The following KHDRBS2 variants were observed in gnomAD, a reference collection of about 807,000 sequenced individuals.
KHDRBS2 encodes the protein KH RNA binding domain containing, signal transduction associated 2, also known as KH domain-containing, RNA-binding, signal transduction-associated protein 2.
In KHDRBS2, 26 loss-of-function variants were observed where a neutral mutation model predicts 44.3. That is an observed-to-expected ratio of 0.59 (90% CI 0.43 to 0.81). The LOEUF (loss-of-function observed/expected upper bound fraction) is 0.81, where lower values mean the gene tolerates loss of function less well. KHDRBS2 is among the 40% of genes least tolerant of loss of function. The pLI is 0.00. For synonymous variants in KHDRBS2, 194 were observed against 151.1 expected (o/e 1.28, Z -2.08); for missense variants, 476 against 433.1 (o/e 1.10, Z -0.88).
intron 5 of KHDRBS2, among the ~76,000 whole-genome samples, chr6:61,895,159 A>G (rs1239380057): frequency 6.6e-6 from 1 of 151,696 alleles, no homozygotes; most frequent in African/African-American, 2.4e-5. Context: ...CCCACTCTGA[A>G]TATAACCCCA....
intron 6 of KHDRBS2, among the ~76,000 whole-genome samples, chr6:61,849,609 G>A (rs1396400401): frequency 3.3e-5 from 5 of 151,094 alleles, no homozygotes; most frequent in Admixed American, 6.6e-5. Flanking sequence ...GGCCTGACAA[G>A]TAATGTACTT....
chr6:62,239,416 T>C (rs1037886968), intron 1 of KHDRBS2, among the ~76,000 whole-genome samples: 2 of 151,840 alleles, frequency 1.3e-5, no homozygotes, highest in African/African-American at 4.8e-5. Flanking sequence ...CTGCTAAAAA[T>C]ACAAAAATTA....
chr6:62,180,047 T>C (rs553871357), intron 1 of KHDRBS2, among the ~76,000 whole-genome samples: 2 of 151,782 alleles, frequency 1.3e-5, no homozygotes, highest in Non-Finnish European at 2.9e-5. Flanking sequence ...CATGAACTTA[T>C]CATTTTTTAT....
At chr6:61,837,310 G>A (rs1284123526) in intron 6 of KHDRBS2, among the ~76,000 whole-genome samples, 4 of 151,942 alleles carry the variant, frequency 2.6e-5, no homozygotes, top group African/African-American at 9.7e-5. Context: ...GAATATGAAT[G>A]ATTTTGCATG....
intron 6 of KHDRBS2, among the ~76,000 whole-genome samples, chr6:61,737,804 G>C (rs1175974394): frequency 6.6e-6 from 1 of 151,932 alleles, no homozygotes; most frequent in Non-Finnish European, 1.5e-5. Context: ...GAAGAGTAAA[G>C]GTAGAACATG....
chr6:62,018,299 ATGTGTGTGTGTGTGTGTGTGTGTG>A (rs57360690), intron 3 of KHDRBS2, among the ~76,000 whole-genome samples: 11 of 146,236 alleles, frequency 7.5e-5, no homozygotes, highest in African/African-American at 2.8e-4. Flanking sequence ...ATATATATAT[ATGTGTGTGTGTGTGTGTGTGTGTG>A]TGTGTGTGTG....
At chr6:62,046,958 A>G (rs1037316216) in intron 3 of KHDRBS2, among the ~76,000 whole-genome samples, 3 of 151,954 alleles carry the variant, frequency 2.0e-5, no homozygotes, top group Non-Finnish European at 4.4e-5. Flanking sequence ...ACTACAGTAA[A>G]GATACTTTAT....
chr6:62,219,021 TGGGCA>T (rs1393464592), intron 1 of KHDRBS2, among the ~76,000 whole-genome samples: 3 of 151,638 alleles, frequency 2.0e-5, no homozygotes, highest in African/African-American at 7.3e-5. Context: ...GGGGAAGAAG[TGGGCA>T]GGGTAATGAG....
chr6:61,826,016 A>G (rs1790804674), intron 6 of KHDRBS2, among the ~76,000 whole-genome samples: 3 of 152,178 alleles, frequency 2.0e-5, no homozygotes. Flanking sequence ...GAGGGACAGG[A>G]CATTCTTAAC....
At chr6:61,713,878 T>G (rs187933910) in intron 7 of KHDRBS2, among the ~76,000 whole-genome samples, 2 of 151,918 alleles carry the variant, frequency 1.3e-5, no homozygotes, top group East Asian at 3.9e-4. Flanking sequence ...TCTTTTACCA[T>G]GTACTAAAGC....
At chr6:61,953,569 C>A (rs936164592) in intron 4 of KHDRBS2, among the ~76,000 whole-genome samples, 1 of 151,964 alleles carries the variant, frequency 6.6e-6, no homozygotes, top group African/African-American at 2.4e-5. Flanking sequence ...CAGCCACAGA[C>A]TGAAAAAGCA....
chr6:61,709,032 T>C lies in KHDRBS2; in HGVS notation c.894-11779A>G, dbSNP rs992091373. ...GTTTCCTGATCTTTAATATGGGCAA[T>C]AGTGATGTCTACTTGAAGTATCAAT... On this transcript the variant is annotated intron_variant, in intron 7 of 8. Coordinates refer to ENST00000281156, the MANE Select transcript of KHDRBS2 (RefSeq NM_152688.4). Among the ~76,000 whole-genome samples the C allele has an allele frequency of 4.0e-5, 6 of 151,682 alleles. No homozygotes were observed. In the East Asian group the frequency reaches 9.7e-4, roughly 25 times the overall value.
intron 6 of KHDRBS2, among the ~76,000 whole-genome samples, chr6:61,845,860 G>A (rs1227066833): frequency 1.3e-5 from 2 of 152,024 alleles, no homozygotes; most frequent in Non-Finnish European, 2.9e-5. Flanking sequence ...TTGGAAACTC[G>A]TCCCTACCCA....
chr6:61,868,035 G>A (rs1798036685), intron 6 of KHDRBS2, among the ~76,000 whole-genome samples: 2 of 152,150 alleles, frequency 1.3e-5, no homozygotes, highest in Non-Finnish European at 2.9e-5. Context: ...ACTCTCCAAG[G>A]CCTGCAGGCT....
intron 3 of KHDRBS2, among the ~76,000 whole-genome samples, chr6:61,992,768 G>C (rs1446836634): frequency 6.6e-6 from 1 of 152,120 alleles, no homozygotes; most frequent in Non-Finnish European, 1.5e-5. Context: ...TCTGTTACCT[G>C]GAAAACAAGT....
chr6:62,026,004 C>T (rs1783240616), intron 3 of KHDRBS2, among the ~76,000 whole-genome samples: 2 of 151,992 alleles, frequency 1.3e-5, no homozygotes, highest in African/African-American at 2.4e-5. Context: ...TTTATTAATT[C>T]ATTTAAATGG....
At chr6:62,172,318 A>G (rs1177440150) in intron 2 of KHDRBS2, among the ~76,000 whole-genome samples, 2 of 152,160 alleles carry the variant, frequency 1.3e-5, no homozygotes, top group East Asian at 3.9e-4. Context: ...TTAAGCAAAC[A>G]AAAATCAAAA....
chr6:61,743,176 C>T (rs1776388736), intron 6 of KHDRBS2, among the ~76,000 whole-genome samples: 1 of 152,002 alleles, frequency 6.6e-6, no homozygotes, highest in African/African-American at 2.4e-5. Context: ...CAAGTGAACA[C>T]CATTCATAAA....
chr6:61,702,694 A>G (rs1768882371), intron 7 of KHDRBS2, among the ~76,000 whole-genome samples: 1 of 151,956 alleles, frequency 6.6e-6, no homozygotes, highest in Non-Finnish European at 1.5e-5. Context: ...TTATATTGAC[A>G]GCAATTGGAA....
Sources: gnomAD v4.1 joint callset for allele counts (sites outside exome capture counted in the v4.1 genomes callset) on GRCh38, gnomAD v4.1.1 for gene constraint, MANE v1.5 for transcripts, NCBI Gene and HGNC (gene_info 2026-07-23, HGNC 2026-07-21) for gene names.